The following UNC5D variants were observed in gnomAD, a reference collection of about 807,000 sequenced individuals.
The protein encoded by UNC5D is unc-5 netrin receptor D, also known as netrin receptor UNC5D.
In UNC5D, 39 loss-of-function variants were observed where a neutral mutation model predicts 105.4. The observed-to-expected ratio is 0.37, with a 90% CI of 0.29 to 0.48. UNC5D has a LOEUF of 0.48. UNC5D is among the 20% of genes least tolerant of loss of function. The pLI is 0.98. For synonymous variants in UNC5D, 452 were observed against 450.4 expected (o/e 1.00, Z -0.04); for missense variants, 991 against 1,202.4 (o/e 0.82, Z 2.60).
At chr8:35,762,111 A>G (rs753658011) in intron 14 of UNC5D, among the ~76,000 whole-genome samples, 6 of 152,148 alleles carry the variant, frequency 3.9e-5, no homozygotes, top group Non-Finnish European at 7.3e-5. Context: ...ACTTATTACA[A>G]TTAGTACCAA....
intron 1 of UNC5D, among the ~76,000 whole-genome samples, chr8:35,299,588 ACAC>A: frequency 6.6e-6 from 1 of 152,198 alleles, no homozygotes; most frequent in Non-Finnish European, 1.5e-5. Context: ...ATGCAAACTG[ACAC>A]AGCTCTTCTG....
chr8:35,536,025 C>G (rs1814808914), intron 1 of UNC5D, among the ~76,000 whole-genome samples: 1 of 152,204 alleles, frequency 6.6e-6, no homozygotes, highest in South Asian at 2.1e-4. Flanking sequence ...CTAGCTCTGT[C>G]TTAACTCCAA....
chr8:35,271,713 TTATAC>T, intron 1 of UNC5D, among the ~76,000 whole-genome samples: 1 of 85,408 alleles, frequency 1.2e-5, no homozygotes, highest in Non-Finnish European at 2.3e-5. Flanking sequence ...ACATATATAT[TTATAC>T]ATGTATACAT....
chr8:35,254,240 T>C (rs1803917865), intron 1 of UNC5D: 1 of 152,210 alleles, frequency 6.6e-6, no homozygotes, highest in African/African-American at 2.4e-5. Flanking sequence ...GGTAAATCAT[T>C]GAACTAAATT....
intron 1 of UNC5D, among the ~76,000 whole-genome samples, chr8:35,445,521 T>C (rs888414386): frequency 2.6e-5 from 4 of 152,092 alleles, no homozygotes; most frequent in Non-Finnish European, 4.4e-5. Flanking sequence ...GGTACTATTA[T>C]GTGCCATTTT....
At chr8:35,637,431 T>C (rs1822450062) in intron 4 of UNC5D, among the ~76,000 whole-genome samples, 1 of 152,172 alleles carries the variant, frequency 6.6e-6, no homozygotes, top group South Asian at 2.1e-4. Flanking sequence ...TCCGAAGTAC[T>C]TGTGGTGTAG....
chr8:35,625,316 C>T (rs1207110092), intron 4 of UNC5D, among the ~76,000 whole-genome samples: 3 of 152,132 alleles, frequency 2.0e-5, no homozygotes, highest in African/African-American at 7.2e-5. Flanking sequence ...TGGGTTCCCC[C>T]TCGATGTTCT....
chr8:35,412,825 A>G (rs1002867948), intron 1 of UNC5D, among the ~76,000 whole-genome samples: 3 of 152,158 alleles, frequency 2.0e-5, no homozygotes, highest in Non-Finnish European at 4.4e-5. Flanking sequence ...TAAGAGTTAG[A>G]TGTTCGTTCC....
intron 4 of UNC5D, among the ~76,000 whole-genome samples, chr8:35,602,259 C>CT (rs1338377395): frequency 1.3e-5 from 2 of 152,062 alleles, no homozygotes; most frequent in African/African-American, 2.4e-5. Flanking sequence ...CTAAAATTCT[C>CT]TTTTTTTGTT....
chr8:35,726,456 C>T lies in UNC5D; in HGVS notation c.1608C>T (p.Leu536=). Residue 536 remains leucine (L), a synonymous_variant, in exon 10 of 17, where the codon CTC becomes CTT. Coordinates refer to ENST00000404895, the MANE Select transcript of UNC5D (RefSeq NM_080872.4). ...CCTACATCCAAAATCTGTCATCACT[C>T]CCCACAAGGACAGAACTGAGGACAA... is the stretch of plus-strand genomic sequence containing the variant. ...KMPYIQNLSS[L]PTRTELRTTG... The T allele has an allele frequency of 6.2e-7, 1 of 1,614,116 alleles. No homozygotes were observed. The highest frequency in any genetic ancestry group is 1.1e-5 in the South Asian group (1 of 91,078).
At chr8:35,295,417 C>T (rs534516030) in intron 1 of UNC5D, among the ~76,000 whole-genome samples, 43 of 152,042 alleles carry the variant, frequency 2.8e-4, no homozygotes, top group Non-Finnish European at 4.7e-4. Flanking sequence ...AAAAATTTTC[C>T]AACATATTTT....
chr8:35,745,104 G>A (rs1829939248), intron 11 of UNC5D, among the ~76,000 whole-genome samples: 1 of 151,978 alleles, frequency 6.6e-6, no homozygotes, highest in African/African-American at 2.4e-5. Flanking sequence ...CTAGTTTGTG[G>A]GACAGACAAA....
chr8:35,326,296 C>T (rs975911155), intron 1 of UNC5D, among the ~76,000 whole-genome samples: 2 of 152,030 alleles, frequency 1.3e-5, no homozygotes, highest in African/African-American at 2.4e-5. Context: ...GGTGCAGTAG[C>T]GTCAGAAGCT....
intron 1 of UNC5D, among the ~76,000 whole-genome samples, chr8:35,522,517 AAG>A (rs1813558365): frequency 6.6e-6 from 1 of 152,188 alleles, no homozygotes; most frequent in East Asian, 1.9e-4. Flanking sequence ...TGTTTTTGCA[AAG>A]AGAGGAAGTT....
At chr8:35,781,997 A>G (rs142946106) in intron 16 of UNC5D, among the ~76,000 whole-genome samples, 191 of 152,354 alleles carry the variant, frequency 1.3e-3, no homozygotes, top group African/African-American at 4.3e-3. Context: ...ACTGGAACTC[A>G]GCATGTTTTC....
intron 4 of UNC5D, among the ~76,000 whole-genome samples, chr8:35,630,339 A>G (rs1024355858): frequency 1.3e-5 from 2 of 152,202 alleles, no homozygotes; most frequent in African/African-American, 4.8e-5. Flanking sequence ...ATCAGGGATT[A>G]TTAGCCACTC....
Position 35,235,659 on chromosome 8 carries a change from G to T in UNC5D, c.-126G>T. The T allele has an allele frequency of 1.4e-6, 1 of 711,154 alleles. No individual in the cohort carries two copies. The highest frequency in any genetic ancestry group is 1.9e-6 in the Non-Finnish European group (1 of 514,908). 44.1% of individuals were successfully genotyped at this position (711,154 alleles called of 1,614,324 possible). ...TCCCTGCCCCGCTGCTTTAGGAAGC[G>T]ATCGTGGAGCAGAGTCACTCTCTGA... is the stretch of plus-strand genomic sequence containing the variant. On this transcript the variant is annotated 5_prime_UTR_variant, in exon 1 of 17. Coordinates refer to ENST00000404895, the MANE Select transcript of UNC5D (RefSeq NM_080872.4).
chr8:35,546,228 T>C (rs907450888), intron 1 of UNC5D, among the ~76,000 whole-genome samples: 3 of 152,106 alleles, frequency 2.0e-5, no homozygotes, highest in Non-Finnish European at 4.4e-5. Context: ...GATCCTCGGG[T>C]AGCTAGGACA....
chr8:35,397,607 C>T (rs557881587), intron 1 of UNC5D, among the ~76,000 whole-genome samples: 1 of 152,200 alleles, frequency 6.6e-6, no homozygotes, highest in Non-Finnish European at 1.5e-5. Flanking sequence ...CTGGTCTTTG[C>T]TCTGTTCCCT....
Sources: allele counts gnomAD v4.1 joint callset (sites outside exome capture counted in the v4.1 genomes callset), GRCh38; gene constraint gnomAD v4.1.1; transcripts MANE v1.5; gene names NCBI Gene and HGNC (gene_info 2026-07-23, HGNC 2026-07-21).